Variants in MRPS10 observed in about 807,000 individuals in gnomAD.
The protein encoded by MRPS10 is mitochondrial ribosomal protein S10, also known as small ribosomal subunit protein uS10m.
In MRPS10, 23 loss-of-function variants were observed where a neutral mutation model predicts 27.5. The ratio of observed to expected loss-of-function variants is 0.84; its 90% CI spans 0.60 to 1.18. MRPS10 has a LOEUF of 1.18. MRPS10 is among the 50% of genes most tolerant of loss of function. The pLI is 0.00. For synonymous variants in MRPS10, 88 were observed against 84.2 expected (o/e 1.04, Z -0.25); for missense variants, 237 against 240.1 (o/e 0.99, Z 0.09).
Position 42,217,789 on chromosome 6 carries a change from G to A in MRPS10, c.48+13C>T, listed in dbSNP as rs1768983592. 6.2e-7 allele frequency: 1 copy of A among 1,613,988 alleles called. No individual in the cohort carries two copies. Among genetic ancestry groups the A allele is most frequent in the Non-Finnish European group, 8.5e-7 (1 of 1,179,934 alleles). On this transcript the variant is annotated intron_variant, in intron 1 of 6. Transcript: ENST00000053468. Reference sequence around the variant, plus strand: ...CCGGTCAGCCCTCCTAGTCTCCCTAGCCAATCCAGTACCTGCCAGAGGCGC... The same window carrying A: ...CCGGTCAGCCCTCCTAGTCTCCCTAACCAATCCAGTACCTGCCAGAGGCGC...
chr6:42,208,601 A>T (rs1423172689), intron 6 of MRPS10, among the ~76,000 whole-genome samples: 1 of 152,174 alleles, frequency 6.6e-6, no homozygotes, highest in Non-Finnish European at 1.5e-5. Flanking sequence ...ACTTAATGGG[A>T]TCCCCAGGTC....
chr6:42,208,866 C>T lies in MRPS10; in HGVS notation c.514G>A (p.Val172Ile). ...AGAAATTCAAGCTATACCTTTGTTA[C>T]TTCCATGGCAACCCCTTCAGGTAAG... ...RNLPEGVAMEVTKTQLEQLPE... is the reference protein window; with the variant it reads ...RNLPEGVAMEITKTQLEQLPE... Residue 172 changes from valine to isoleucine, a missense_variant, in exon 6 of 7, where the codon GTA becomes ATA. Val to Ile is a conservative substitution (Grantham distance 29). Coordinates refer to ENST00000053468, the MANE Select transcript of MRPS10 (RefSeq NM_018141.4). The T allele has an allele frequency of 6.2e-7, 1 of 1,605,896 alleles. No individual in the cohort carries two copies. Among genetic ancestry groups the T allele is most frequent in the Non-Finnish European group, 8.5e-7 (1 of 1,173,464 alleles).
chr6:42,213,307 G>A (rs1415126494), intron 3 of MRPS10, among the ~76,000 whole-genome samples: 1 of 152,142 alleles, frequency 6.6e-6, no homozygotes, highest in East Asian at 1.9e-4. Context: ...AAATTAGCCA[G>A]GCATGGTGGT....
chr6:42,207,679 G>C lies in MRPS10; in HGVS notation c.*610C>G, dbSNP rs560020843. The C allele has an allele frequency of 6.6e-6, 1 of 152,290 alleles. No homozygotes were observed. The highest frequency in any genetic ancestry group is 6.5e-5 in the Admixed American group (1 of 15,290). 9.4% of individuals were successfully genotyped at this position (152,290 alleles called of 1,614,324 possible). A position where few individuals can be genotyped will look rare whatever the true frequency, so the allele number is the denominator to read the frequency against. ...TCTTAAGATCATAAATTCCATTACA[G>C]TAACCCTGGTAGGCAACTCTATAAA... On this transcript the variant is annotated 3_prime_UTR_variant, in exon 7 of 7. Coordinates refer to ENST00000053468, the MANE Select transcript of MRPS10 (RefSeq NM_018141.4).
At chr6:42,209,579 C>T (rs1248620840) in intron 5 of MRPS10, among the ~76,000 whole-genome samples, 1 of 151,712 alleles carries the variant, frequency 6.6e-6, no homozygotes, top group East Asian at 1.9e-4. Flanking sequence ...AAAACCCCAT[C>T]TCTACTAAAA....
At position 42,208,956 on chromosome 6, in the gene MRPS10, T is replaced by C; in HGVS notation, c.433-9A>G. The C allele has an allele frequency of 1.3e-6, 2 of 1,558,428 alleles. No individual in the cohort carries two copies. The highest frequency in any genetic ancestry group is 1.8e-6 in the Non-Finnish European group (2 of 1,137,560). The stretch of plus-strand genomic sequence containing the variant: ...CCAGTTAGATGTTCTAACTAAAACA[T>C]CAAACATGAAAATGTTTCATGTAAG... On this transcript the variant is annotated splice_polypyrimidine_tract_variant and intron_variant, in intron 5 of 6. Transcript: ENST00000053468.
chr6:42,207,180 G>T lies in MRPS10; in HGVS notation c.*1109C>A, dbSNP rs1768617407. ...CAAAATAAAGAGGGCTTCTCAGTGAGAAGCTTAATAAAGAAAAATATTTAC... is the reference window on the plus strand; with the variant it reads ...CAAAATAAAGAGGGCTTCTCAGTGATAAGCTTAATAAAGAAAAATATTTAC... On this transcript the variant is annotated 3_prime_UTR_variant, in exon 7 of 7. Transcript: ENST00000053468. 6.6e-6 allele frequency: 1 copy of T among 151,600 alleles called. No individual in the cohort carries two copies. Among genetic ancestry groups the T allele is most frequent in the Non-Finnish European group, 1.5e-5 (1 of 67,948 alleles). 9.4% of individuals were successfully genotyped at this position (151,600 alleles called of 1,614,324 possible). A position where few individuals can be genotyped will look rare whatever the true frequency, so the allele number is the denominator to read the frequency against.
At chr6:42,215,980 C>T (rs936334894) in intron 1 of MRPS10, among the ~76,000 whole-genome samples, 7 of 151,270 alleles carry the variant, frequency 4.6e-5, no homozygotes, top group Admixed American at 4.6e-4. Context: ...CAGTCACATT[C>T]TCCCACTATA....
In MRPS10 at chr6:42,207,172, CTCAG is replaced by C. The variant is rs1768617155; in HGVS notation, c.*1113_*1116del. On this transcript the variant is annotated 3_prime_UTR_variant, in exon 7 of 7. Coordinates refer to ENST00000053468, the MANE Select transcript of MRPS10 (RefSeq NM_018141.4). ...ACATTTACCAAAATAAAGAGGGCTTCTCAGTGAGAAGCTTAATAAAGAAAAATAT... is the reference window on the plus strand; with the variant it reads ...ACATTTACCAAAATAAAGAGGGCTTCTGAGAAGCTTAATAAAGAAAAATAT... 6.6e-6 allele frequency: 1 copy of C among 152,034 alleles called. No individual in the cohort carries two copies. The highest frequency in any genetic ancestry group is 1.5e-5 in the Non-Finnish European group (1 of 68,044). 9.4% of individuals were successfully genotyped at this position (152,034 alleles called of 1,614,324 possible). A position where few individuals can be genotyped will look rare whatever the true frequency, so the allele number is the denominator to read the frequency against.
Position 42,208,189 on chromosome 6 carries a change from G to A in MRPS10, c.*100C>T, listed in dbSNP as rs11618. On this transcript the variant is annotated 3_prime_UTR_variant, in exon 7 of 7. Transcript: ENST00000053468. ...ACGAGAACTCAATGGAGCAGTTAGG[G>A]CAGACTCAAATCATCTCAGCTGGAA... The A allele has an allele frequency of 0.62, 559,789 of 896,304 alleles. 180,525 individuals are homozygous for A. The highest frequency in any genetic ancestry group is 0.84 in the East Asian group (34,744 of 41,440). The allele number at this position is 896,304 out of a possible 1,614,324, so 55.5% of individuals were successfully genotyped here.
intron 2 of MRPS10, 42 bp downstream of exon 2, chr6:42,214,237 GA>G (rs1768858410): frequency 1.2e-6 from 2 of 1,603,928 alleles, no homozygotes; most frequent in African/African-American, 2.7e-5. Context: ...AATAGCACAA[GA>G]ACCTATTTTG....
Position 42,207,988 on chromosome 6 carries a change from C to A in MRPS10, c.*301G>T. Reference sequence around the variant, plus strand: ...CAACTGACATAAATTAAAAATGGTACAAACTAATAATTGAACACCAGTAGC... The same window carrying A: ...CAACTGACATAAATTAAAAATGGTAAAAACTAATAATTGAACACCAGTAGC... On this transcript the variant is annotated 3_prime_UTR_variant, in exon 7 of 7. Transcript: ENST00000053468. 3.0e-6 allele frequency: 1 copy of A among 330,194 alleles called. No homozygotes were observed. Among genetic ancestry groups the A allele is most frequent in the Non-Finnish European group, 5.5e-6 (1 of 182,328 alleles). 20.5% of individuals were successfully genotyped at this position (330,194 alleles called of 1,614,324 possible).
At position 42,217,808 on chromosome 6, in the gene MRPS10, G is replaced by A. The variant is rs778184353; in HGVS notation, c.42C>T (p.Leu14=). 11 of 1,614,024 alleles carry A rather than the reference G, an allele frequency of 6.8e-6. 1 individual carries two copies. In the Admixed American group the frequency reaches 1.0e-4, roughly 15 times the overall value. Residue 14 remains leucine (L), a synonymous_variant, in exon 1 of 7, where the codon CTC becomes CTT. Transcript: ENST00000053468. Reference sequence around the variant, plus strand: ...TCCCTAGCCAATCCAGTACCTGCCAGAGGCGCCGGCACACAGCACCGAACG... The same window carrying A: ...TCCCTAGCCAATCCAGTACCTGCCAAAGGCGCCGGCACACAGCACCGAACG... ...RTAFGAVCRR[L]WQGLGNFSVN...
At chr6:42,211,405 G>A (rs1768768310) in intron 4 of MRPS10, among the ~76,000 whole-genome samples, 1 of 151,644 alleles carries the variant, frequency 6.6e-6, no homozygotes, top group African/African-American at 2.4e-5. Context: ...ACTGGGCCAG[G>A]TGCAGTGGCT....
At chr6:42,209,837 T>C (rs531717879) in intron 5 of MRPS10, among the ~76,000 whole-genome samples, 1 of 148,148 alleles carries the variant, frequency 6.8e-6, no homozygotes, top group African/African-American at 2.5e-5. Context: ...GTACTTCCCA[T>C]ATAAAAGATA....
chr6:42,208,998 G>GT (rs1562071209), intron 5 of MRPS10, 51 bp from the exon 6 acceptor site: 10 of 1,122,750 alleles, frequency 8.9e-6, no homozygotes, highest in Non-Finnish European at 1.1e-5. Flanking sequence ...GTTAAAGCAC[G>GT]GTTTTTTGTT....
rs1768991064 is a variant in MRPS10 at position 42,217,846 on chromosome 6, C to T, written c.4G>A (p.Ala2Thr). 12 of 1,613,932 alleles carry T rather than the reference C, an allele frequency of 7.4e-6. No individual in the cohort carries two copies. Among genetic ancestry groups the T allele is most frequent in the African/African-American group, 1.3e-5 (1 of 74,918 alleles). ...ACAGCACCGAACGCTGTCCGCGCCG[C>T]CATCTTGCCGGTCCCGACCTCTCAG... is the stretch of plus-strand genomic sequence containing the variant. M[A>T]ARTAFGAVCR... Residue 2 changes from alanine (A) to threonine (T), a missense_variant, in exon 1 of 7, where the codon GCG becomes ACG. This residue lies in a region of MRPS10 where 164 missense variants were observed against 137.8 expected (regional missense o/e 1.19). Coordinates refer to ENST00000053468, the MANE Select transcript of MRPS10 (RefSeq NM_018141.4).
At position 42,207,792 on chromosome 6, in the gene MRPS10, A is replaced by G. The variant is rs1768648652; in HGVS notation, c.*497T>C. On this transcript the variant is annotated 3_prime_UTR_variant, in exon 7 of 7. Coordinates refer to ENST00000053468, the MANE Select transcript of MRPS10 (RefSeq NM_018141.4). ...ATTCAGTCTTCAAAATGTAATGCTT[A>G]CATGAGATAAAATCGGTTGGTTACC... 1 of 165,726 alleles carries G rather than the reference A, an allele frequency of 6.0e-6. No homozygotes were observed. The highest frequency in any genetic ancestry group is 2.4e-5 in the African/African-American group (1 of 41,520). The allele number at this position is 165,726 out of a possible 1,614,324, so 10.3% of individuals were successfully genotyped here.
chr6:42,214,123 A>G lies in MRPS10; in HGVS notation c.183T>C (p.Pro61=). 1.9e-6 allele frequency: 3 copies of G among 1,610,090 alleles called. No individual in the cohort carries two copies. Among genetic ancestry groups the G allele is most frequent in the Non-Finnish European group, 2.5e-6 (3 of 1,177,634 alleles). The stretch of plus-strand genomic sequence containing the variant: ...CCAAGAAACAGGGAGTACATACCAC[A>G]GGTTTGGTCAAATCCTTTGGAACAT... ...HVDVPKDLTK[P]VVTISDEPDI... is the part of the protein sequence containing the mutation. The change falls in exon 3 of 7, where the codon CCT becomes CCC. Residue 61 remains proline (P), a synonymous_variant. Coordinates refer to ENST00000053468, the MANE Select transcript of MRPS10 (RefSeq NM_018141.4).
Sources: allele counts gnomAD v4.1 joint callset (sites outside exome capture counted in the v4.1 genomes callset), GRCh38; gene constraint gnomAD v4.1.1; regional missense constraint gnomAD v4.1.1; transcripts MANE v1.5; gene names NCBI Gene and HGNC (gene_info 2026-07-23, HGNC 2026-07-21).